The following PBLD variants were observed in gnomAD, a reference collection of about 807,000 sequenced individuals.
The protein encoded by PBLD is phenazine biosynthesis-like domain-containing protein.
PBLD carries 26 observed loss-of-function variants against 31.3 expected under a neutral mutation model. That is an observed-to-expected ratio of 0.83 (90% CI 0.61 to 1.15). The LOEUF (loss-of-function observed/expected upper bound fraction) is 1.15, where lower values mean the gene tolerates loss of function less well. Ranked by LOEUF, PBLD falls within the 50% of genes most tolerant of loss-of-function variation. The pLI is 0.00. For synonymous variants in PBLD, 114 were observed against 129.0 expected (o/e 0.88, Z 0.79); for missense variants, 307 against 351.7 (o/e 0.87, Z 1.02).
At chr10:68,302,239 T>C (rs1564730275) in intron 2 of PBLD, among the ~76,000 whole-genome samples, 3 of 152,232 alleles carry the variant, frequency 2.0e-5, no homozygotes, top group African/African-American at 7.2e-5. Context: ...GGCCATCTCA[T>C]GTGAATCAAA....
At chr10:68,319,886 C>T (rs961908372) in intron 1 of PBLD, among the ~76,000 whole-genome samples, 1 of 148,748 alleles carries the variant, frequency 6.7e-6, no homozygotes, top group African/African-American at 2.5e-5. Context: ...TGCAATGGTG[C>T]AATCTCGGCT....
chr10:68,320,969 G>T (rs541401225), intron 1 of PBLD, among the ~76,000 whole-genome samples: 1 of 151,700 alleles, frequency 6.6e-6, no homozygotes, highest in Non-Finnish European at 1.5e-5. Context: ...CTACAGGTGC[G>T]CACCACCACG....
At chr10:68,331,586 A>G (rs1223718624) in intron 1 of PBLD, 1 of 152,190 alleles carries the variant, frequency 6.6e-6, no homozygotes, top group Non-Finnish European at 1.5e-5. Flanking sequence ...CCTATTTTTC[A>G]CCGCACAATG....
intron 1 of PBLD, among the ~76,000 whole-genome samples, chr10:68,314,127 C>T (rs539098726): frequency 6.6e-5 from 10 of 151,966 alleles, no homozygotes; most frequent in Admixed American, 2.0e-4. Flanking sequence ...CAGGCGTGCA[C>T]CACTGTGCCC....
chr10:68,309,209 C>A (rs1190687510), intron 1 of PBLD, among the ~76,000 whole-genome samples: 2 of 148,812 alleles, frequency 1.3e-5, no homozygotes, highest in Non-Finnish European at 3.0e-5. Flanking sequence ...AGTTTGAGAC[C>A]ACCCTGGCCA....
At position 68,309,164 on chromosome 10, in the gene PBLD, G is replaced by C. The variant is rs954480519; in HGVS notation, c.-59-2261C>G. Among the ~76,000 whole-genome samples, 15 of 149,868 alleles carry C rather than the reference G, an allele frequency of 1.0e-4. 1 individual carries two copies. Among genetic ancestry groups the C allele is most frequent in the Non-Finnish European group, 1.2e-4 (8 of 67,772 alleles). On this transcript the variant is annotated intron_variant, in intron 1 of 9. Coordinates refer to ENST00000358769, the MANE Select transcript of PBLD (RefSeq NM_022129.4). ...GCTCACGCCTGTAATTCAGCACTTT[G>C]GGAGGCCAAGGCAGGCAGATCACTT...
intron 1 of PBLD, among the ~76,000 whole-genome samples, chr10:68,329,708 T>C (rs2044981991): frequency 6.6e-6 from 1 of 152,050 alleles, no homozygotes; most frequent in South Asian, 2.1e-4. Context: ...GTTCAAAAAG[T>C]CTCCAGCCAA....
chr10:68,295,578 T>A (rs7893837), intron 4 of PBLD, among the ~76,000 whole-genome samples: 18,977 of 151,810 alleles, frequency 0.13, 1,617 homozygotes, highest in South Asian at 0.25. Context: ...TGGAGTGAAA[T>A]GTTCCTGTTG....
In PBLD at chr10:68,285,390, T is replaced by C. The variant is rs570827087; in HGVS notation, c.712A>G (p.Ser238Gly). 58 of 1,614,034 alleles carry C rather than the reference T, an allele frequency of 3.6e-5. No homozygotes were observed. The South Asian group carries it at 5.5e-4, about 15-fold the overall frequency. Residue 238 changes from serine (S) to glycine (G), a missense_variant, in exon 9 of 10, where the codon AGC (serine) becomes GGC (glycine). Physicochemically the swap from Ser to Gly is moderately conservative, Grantham distance 56. Coordinates refer to ENST00000358769, the MANE Select transcript of PBLD (RefSeq NM_022129.4). ...CCCAGATGCTGGGACCAGTAGCTGC[T>C]GAGAACAGCGTGTGCAGACCCTCAA... ...PVTGSAHAVL[S>G]SYWSQHLGKK...
intron 1 of PBLD, among the ~76,000 whole-genome samples, chr10:68,320,947 A>G (rs1182853747): frequency 2.0e-5 from 3 of 151,444 alleles, no homozygotes; most frequent in African/African-American, 4.9e-5. Context: ...TCAGCCTCCC[A>G]AGTAGCTGGG....
chr10:68,305,177 T>G (rs2044558679), intron 2 of PBLD, among the ~76,000 whole-genome samples: 1 of 151,842 alleles, frequency 6.6e-6, no homozygotes, highest in Admixed American at 6.6e-5. Flanking sequence ...CTGCTCAATT[T>G]AGCGAGACCA....
chr10:68,315,396 C>T (rs936944328), intron 1 of PBLD, among the ~76,000 whole-genome samples: 3 of 151,804 alleles, frequency 2.0e-5, no homozygotes, highest in Non-Finnish European at 4.4e-5. Flanking sequence ...ACCAGCCTGG[C>T]CAACATGGTG....
intron 1 of PBLD, among the ~76,000 whole-genome samples, chr10:68,316,341 C>T (rs1383831463): frequency 6.6e-6 from 1 of 151,762 alleles, no homozygotes; most frequent in Admixed American, 6.6e-5. Context: ...AAAAGTATAA[C>T]AATGGAAATG....
intron 3 of PBLD, 42 bp from the exon 4 acceptor site, chr10:68,296,406 T>A (rs2044428490): frequency 5.7e-6 from 8 of 1,415,758 alleles, no homozygotes; most frequent in Non-Finnish European, 7.9e-6. Context: ...ATCATTCCCA[T>A]GCAAGCAGGT....
intron 7 of PBLD, 104 bp from the exon 8 acceptor site, chr10:68,288,765 C>T: frequency 2.9e-6 from 4 of 1,359,380 alleles, no homozygotes; most frequent in Admixed American, 1.9e-5. Flanking sequence ...AAGAGCTTAA[C>T]AGGAGGGGAA....
At chr10:68,323,374 C>T (rs998536044) in intron 1 of PBLD, among the ~76,000 whole-genome samples, 2 of 151,910 alleles carry the variant, frequency 1.3e-5, no homozygotes, top group African/African-American at 2.4e-5. Flanking sequence ...CCAGGTGGGC[C>T]AACATTGGGA....
chr10:68,332,398 G>C (rs578110507), intron 1 of PBLD, among the ~76,000 whole-genome samples: 5 of 152,320 alleles, frequency 3.3e-5, no homozygotes, highest in Admixed American at 2.0e-4. Context: ...AGGGCGGCTT[G>C]CCGATGGGAG....
intron 1 of PBLD, among the ~76,000 whole-genome samples, chr10:68,319,147 G>A (rs2044793478): frequency 6.7e-6 from 1 of 149,510 alleles, no homozygotes; most frequent in South Asian, 2.1e-4. Flanking sequence ...AAATAGCAAT[G>A]GAACACAAGA....
chr10:68,319,607 G>C (rs2044801572), intron 1 of PBLD, among the ~76,000 whole-genome samples: 1 of 151,942 alleles, frequency 6.6e-6, no homozygotes, highest in Non-Finnish European at 1.5e-5. Context: ...AGTAAGCCCA[G>C]CTACTCAGGA....
Sources: gnomAD v4.1 joint callset for allele counts (sites outside exome capture counted in the v4.1 genomes callset) on GRCh38, gnomAD v4.1.1 for gene constraint, MANE v1.5 for transcripts, NCBI Gene and HGNC (gene_info 2026-07-23, HGNC 2026-07-21) for gene names.